JARID2: variants seen among roughly 807,000 people sequenced by gnomAD.
JARID2 encodes protein Jumonji.
A neutral mutation model predicts 125.6 loss-of-function variants in JARID2; 21 were observed. That is an observed-to-expected ratio of 0.17 (90% CI 0.12 to 0.24). The LOEUF (loss-of-function observed/expected upper bound fraction) is 0.24. Ranked by LOEUF, JARID2 falls within the 10% of genes least tolerant of loss-of-function variation. JARID2 has a pLI of 1.00. For missense variants in JARID2, 1,303 were observed against 1,639.6 expected, an observed-to-expected ratio of 0.79 and a Z score of 3.55; for synonymous variants, 736 against 661.6, an observed-to-expected ratio of 1.11 and a Z score of -1.73.
At chr6:15,488,417 G>A (rs1191157949) in intron 6 of JARID2, among the ~76,000 whole-genome samples, 1 of 152,202 alleles carries the variant, frequency 6.6e-6, no homozygotes. Context: ...CTAAGTCATG[G>A]GATCATTGAT....
intron 4 of JARID2, among the ~76,000 whole-genome samples, chr6:15,461,506 C>T (rs180707984): frequency 1.3e-5 from 2 of 152,294 alleles, no homozygotes; most frequent in Non-Finnish European, 1.5e-5. Flanking sequence ...CGTCATCCCT[C>T]CTTGTTCCTT....
intron 4 of JARID2, among the ~76,000 whole-genome samples, chr6:15,461,220 A>G (rs997143719): frequency 2.0e-5 from 3 of 152,220 alleles, no homozygotes; most frequent in African/African-American, 7.2e-5. Context: ...TGTAAGGGGA[A>G]CGTTACAGTT....
At chr6:15,509,295 C>G (rs1192008425) in intron 12 of JARID2, 1 of 985,208 alleles carries the variant, frequency 1.0e-6, no homozygotes, top group Non-Finnish European at 1.2e-6. Context: ...GCATGCTGTT[C>G]ATGCCATGCT....
chr6:15,313,210 C>T (rs1762073747), intron 1 of JARID2, among the ~76,000 whole-genome samples: 1 of 152,160 alleles, frequency 6.6e-6, no homozygotes, highest in Non-Finnish European at 1.5e-5. Context: ...TAGCAAGGAG[C>T]CATGGCACCC....
At chr6:15,413,002 G>GTGTTTT (rs1765952689) in intron 3 of JARID2, among the ~76,000 whole-genome samples, 2 of 46,532 alleles carry the variant, frequency 4.3e-5, no homozygotes, top group East Asian at 6.3e-4. Flanking sequence ...AAGAGCTTGT[G>GTGTTTT]TTTTTGTTTT....
chr6:15,340,416 G>A (rs1561802278), intron 1 of JARID2, among the ~76,000 whole-genome samples: 1 of 152,168 alleles, frequency 6.6e-6, no homozygotes, highest in Non-Finnish European at 1.5e-5. Flanking sequence ...CATTAGTTGG[G>A]TGTGGATTTT....
At chr6:15,463,279 G>C (rs1267090978) in intron 4 of JARID2, among the ~76,000 whole-genome samples, 1 of 152,156 alleles carries the variant, frequency 6.6e-6, no homozygotes, top group Non-Finnish European at 1.5e-5. Context: ...TAAAATGAGA[G>C]TTTGTAAAGG....
intron 1 of JARID2, among the ~76,000 whole-genome samples, chr6:15,264,943 C>A (rs140863600): frequency 6.6e-6 from 1 of 152,286 alleles, no homozygotes; most frequent in East Asian, 1.9e-4. Context: ...GGCTTCTGTT[C>A]AGACCCAGCT....
At chr6:15,370,091 G>A (rs1280364518) in intron 1 of JARID2, among the ~76,000 whole-genome samples, 2 of 152,200 alleles carry the variant, frequency 1.3e-5, no homozygotes, top group Non-Finnish European at 2.9e-5. Flanking sequence ...AGTGGGAACA[G>A]TGAGACTGAG....
chr6:15,333,133 T>G (rs1323794572), intron 1 of JARID2, among the ~76,000 whole-genome samples: 2 of 151,866 alleles, frequency 1.3e-5, no homozygotes, highest in African/African-American at 4.8e-5. Context: ...GGGGTTTCAC[T>G]GTGTTAGCCA....
chr6:15,349,495 A>G (rs1292067951), intron 1 of JARID2, among the ~76,000 whole-genome samples: 1 of 152,168 alleles, frequency 6.6e-6, no homozygotes, highest in African/African-American at 2.4e-5. Context: ...GTCTGGAGGA[A>G]CAGTACAAAT....
At chr6:15,371,608 A>G (rs1764174261) in intron 1 of JARID2, among the ~76,000 whole-genome samples, 1 of 152,206 alleles carries the variant, frequency 6.6e-6, no homozygotes, top group Admixed American at 6.5e-5. Flanking sequence ...TAATTCAGCT[A>G]TATCATGCTT....
chr6:15,370,398 C>T (rs1179107384), intron 1 of JARID2, among the ~76,000 whole-genome samples: 1 of 140,752 alleles, frequency 7.1e-6, no homozygotes, highest in East Asian at 2.3e-4. Context: ...GTGGCACGAT[C>T]TCTGCACACG....
intron 3 of JARID2, among the ~76,000 whole-genome samples, chr6:15,415,595 C>A (rs1756302300): frequency 7.0e-6 from 1 of 142,454 alleles, no homozygotes; most frequent in South Asian, 2.2e-4. Context: ...GGGCGGGGGG[C>A]TGACCCCTCC....
intron 5 of JARID2, among the ~76,000 whole-genome samples, chr6:15,486,197 G>C (rs1769858123): frequency 6.6e-6 from 1 of 152,358 alleles, no homozygotes; most frequent in South Asian, 2.1e-4. Context: ...AACAGGCCCT[G>C]TTTGGACTGT....
chr6:15,481,823 T>G (rs2127706884), intron 5 of JARID2, among the ~76,000 whole-genome samples: 1 of 152,356 alleles, frequency 6.6e-6, no homozygotes, highest in East Asian at 1.9e-4. Flanking sequence ...ACTCTTCCAT[T>G]TCCAGATATC....
chr6:15,368,976 G>T (rs768718055), intron 1 of JARID2, among the ~76,000 whole-genome samples: 4 of 152,030 alleles, frequency 2.6e-5, no homozygotes, highest in African/African-American at 7.3e-5. Flanking sequence ...ACAGGCTGCC[G>T]AGTGGTTAAG....
intron 2 of JARID2, among the ~76,000 whole-genome samples, chr6:15,379,031 C>G (rs1764479599): frequency 6.6e-6 from 1 of 152,176 alleles, no homozygotes; most frequent in African/African-American, 2.4e-5. Flanking sequence ...GTGAGCTCAG[C>G]TGCCCTGGTT....
chr6:15,481,217 A>G (rs1234992236), intron 5 of JARID2, among the ~76,000 whole-genome samples: 1 of 152,226 alleles, frequency 6.6e-6, no homozygotes, highest in African/African-American at 2.4e-5. Flanking sequence ...TTTAACTTTC[A>G]GAGTATGTGT....
Sources: allele counts gnomAD v4.1 joint callset (sites outside exome capture counted in the v4.1 genomes callset), GRCh38; gene constraint gnomAD v4.1.1; transcripts MANE v1.5; gene names NCBI Gene and HGNC (gene_info 2026-07-23, HGNC 2026-07-21).